Variants in THRAP3 observed in about 807,000 individuals in gnomAD.
The protein encoded by THRAP3 is thyroid hormone receptor-associated protein 3.
In THRAP3, 16 loss-of-function variants were observed where a neutral mutation model predicts 101.0. The observed-to-expected ratio is 0.16, with a 90% CI of 0.11 to 0.24. The LOEUF (loss-of-function observed/expected upper bound fraction) is 0.24, where lower values mean the gene tolerates loss of function less well. Ranked by LOEUF, THRAP3 falls within the 10% of genes least tolerant of loss-of-function variation. The pLI, the probability that THRAP3 is intolerant of heterozygous loss-of-function variation, is 1.00. For synonymous variants in THRAP3, 407 were observed against 422.6 expected, an observed-to-expected ratio of 0.96 and a Z score of 0.45; for missense variants, 989 against 1,202.7, an observed-to-expected ratio of 0.82 and a Z score of 2.63.
Position 36,270,571 on chromosome 1 carries a change from G to GGTTTTTTTTT in THRAP3, c.-32+11087_-32+11088insGTTTTTTTTT, listed in dbSNP as rs1553121666. 1.1e-3 allele frequency among the ~76,000 whole-genome samples: 35 copies of GGTTTTTTTTT among 31,886 alleles called. 3 individuals carry two copies. Among genetic ancestry groups the GGTTTTTTTTT allele is most frequent in the African/African-American group, 2.3e-3 (33 of 14,190 alleles). The allele number at this position is 31,886 out of a possible 152,430, so 20.9% of individuals were successfully genotyped here. ...TAAAAATACAGTTCTATTTGTTTAG[G>GGTTTTTTTTT]TTTTTGTTTTTTTTTTTTTTTTTGA... On this transcript the variant is annotated intron_variant, in intron 2 of 11. Transcript: ENST00000354618.
intron 9 of THRAP3, among the ~76,000 whole-genome samples, chr1:36,298,852 G>A (rs912473667): frequency 6.6e-6 from 1 of 152,172 alleles, no homozygotes; most frequent in Non-Finnish European, 1.5e-5. Context: ...GGAGCGCAGT[G>A]ATGCAATCAC....
intron 1 of THRAP3, among the ~76,000 whole-genome samples, chr1:36,245,851 C>G (rs111784207): frequency 0.014 from 2,138 of 152,186 alleles, 54 homozygotes; most frequent in African/African-American, 0.047. Flanking sequence ...CTCCCCACAC[C>G]CACCAAAATC....
chr1:36,222,107 T>C (rs1352770422), upstream of THRAP3, among the ~76,000 whole-genome samples: 1 of 151,762 alleles, frequency 6.6e-6, no homozygotes, highest in Non-Finnish European at 1.5e-5. Context: ...CCACTGCGCC[T>C]GGCCTTGGTC....
At chr1:36,222,900 A>G (rs1406742717), upstream of THRAP3, among the ~76,000 whole-genome samples, 1 of 150,904 alleles carries the variant, frequency 6.6e-6, no homozygotes, top group Non-Finnish European at 1.5e-5. Flanking sequence ...AGGCCGAGGC[A>G]GGTGGATCAC....
At chr1:36,225,669 T>TGTAGTCTGTTCTGTA (rs1553189869) in intron 1 of THRAP3, among the ~76,000 whole-genome samples, 11 of 152,220 alleles carry the variant, frequency 7.2e-5, no homozygotes, top group African/African-American at 2.4e-4. Context: ...GAAGTACTGT[T>TGTAGTCTGTTCTGTA]GTAGTCTGTT....
rs372462963 is a variant in THRAP3, at chr1:36,296,790, C to T, written c.2303+20C>T. 1 of 1,549,712 alleles carries T rather than the reference C, an allele frequency of 6.5e-7. No individual in the cohort carries two copies. The highest frequency in any genetic ancestry group is 8.7e-7 in the Non-Finnish European group (1 of 1,154,576). On this transcript the variant is annotated intron_variant, in intron 9 of 11. Transcript: ENST00000354618. The stretch of plus-strand genomic sequence containing the variant: ...ACAGAAGTACGTAAGCCCCTGTTAC[C>T]CCTTCCAGACTCTTAAGTTTCTTGT...
At chr1:36,238,557 A>G (rs770404760) in intron 1 of THRAP3, among the ~76,000 whole-genome samples, 4 of 152,054 alleles carry the variant, frequency 2.6e-5, no homozygotes, top group East Asian at 1.9e-4. Flanking sequence ...TTTAGTGTCT[A>G]TTTTGGGGCT....
chr1:36,271,451 T>C (rs1232034356), intron 2 of THRAP3, among the ~76,000 whole-genome samples: 1 of 151,970 alleles, frequency 6.6e-6, no homozygotes, highest in African/African-American at 2.4e-5. Context: ...CCTGGCTAAT[T>C]CTTGTATTTT....
At chr1:36,223,346 C>T (rs146219586), upstream of THRAP3, among the ~76,000 whole-genome samples, 9 of 152,198 alleles carry the variant, frequency 5.9e-5, no homozygotes, top group Admixed American at 3.3e-4. Flanking sequence ...CATTAGATTT[C>T]TTTATTAATT....
intron 1 of THRAP3, among the ~76,000 whole-genome samples, chr1:36,238,973 G>A (rs1261644359): frequency 1.3e-5 from 2 of 151,426 alleles, no homozygotes; most frequent in Non-Finnish European, 2.9e-5. Flanking sequence ...TTGCTCTGTC[G>A]CCTAGGCTGG....
chr1:36,274,516 T>C (rs893115277), intron 2 of THRAP3, among the ~76,000 whole-genome samples: 5 of 152,040 alleles, frequency 3.3e-5, no homozygotes, highest in Non-Finnish European at 7.4e-5. Flanking sequence ...AAAAATGTAC[T>C]ATAGCTACAC....
chr1:36,246,703 G>C (rs1192697739), intron 1 of THRAP3, among the ~76,000 whole-genome samples: 1 of 152,064 alleles, frequency 6.6e-6, no homozygotes. Context: ...TTAGCCGGGA[G>C]TGGTGGCCGG....
At chr1:36,230,410 G>GC (rs1221513688) in intron 1 of THRAP3, among the ~76,000 whole-genome samples, 1 of 151,982 alleles carries the variant, frequency 6.6e-6, no homozygotes, top group African/African-American at 2.4e-5. Context: ...GAGCCACCGC[G>GC]CCCAGCCCTG....
the THRAP3 span, among the ~76,000 whole-genome samples, chr1:36,213,689 T>G: frequency 1.3e-5 from 2 of 151,146 alleles, no homozygotes; most frequent in East Asian, 3.9e-4. Context: ...CTACTAAAAA[T>G]ACAAAAAATT....
chr1:36,263,120 A>AT (rs1438727387), intron 2 of THRAP3, among the ~76,000 whole-genome samples: 1 of 141,338 alleles, frequency 7.1e-6, no homozygotes, highest in Non-Finnish European at 1.5e-5. Flanking sequence ...TATTTTATTT[A>AT]TTTTTTGGAG....
intron 2 of THRAP3, among the ~76,000 whole-genome samples, chr1:36,268,995 G>A (rs1177704297): frequency 6.6e-6 from 1 of 152,288 alleles, no homozygotes; most frequent in Non-Finnish European, 1.5e-5. Context: ...GAAAGTGCTG[G>A]GATTACAGGT....
In THRAP3 at chr1:36,282,563, G is replaced by A. The variant is rs917936627; in HGVS notation, c.-1G>A. ...ATTGAAAAGTGATCCTCTCTTCAGA[G>A]ATGTCAAAAACAAACAAATCCAAGT... On this transcript the variant is annotated 5_prime_UTR_variant, in exon 3 of 12. Coordinates refer to ENST00000354618, the MANE Select transcript of THRAP3 (RefSeq NM_005119.4). The A allele has an allele frequency of 6.2e-7, 1 of 1,613,850 alleles. No homozygotes were observed.
chr1:36,248,953 G>T (rs1329836329), intron 1 of THRAP3, among the ~76,000 whole-genome samples: 2 of 150,264 alleles, frequency 1.3e-5, no homozygotes, highest in African/African-American at 4.9e-5. Context: ...AGGCTGGAGT[G>T]CAGTGGCGTG....
chr1:36,298,843 G>T (rs1645987547), intron 9 of THRAP3, among the ~76,000 whole-genome samples: 1 of 152,190 alleles, frequency 6.6e-6, no homozygotes, highest in Admixed American at 6.5e-5. Flanking sequence ...GCCCAGGCTG[G>T]AGCGCAGTGA....
Sources: gnomAD v4.1 joint callset for allele counts (sites outside exome capture counted in the v4.1 genomes callset) on GRCh38, gnomAD v4.1.1 for gene constraint, MANE v1.5 for transcripts, NCBI Gene and HGNC (gene_info 2026-07-23, HGNC 2026-07-21) for gene names.